The following GRIN2B variants were observed in gnomAD, a reference collection of about 807,000 sequenced individuals.
GRIN2B encodes glutamate receptor ionotropic, NMDA 2B.
A neutral mutation model predicts 114.5 loss-of-function variants in GRIN2B; 5 were observed. The observed-to-expected ratio is 0.04, with a 90% CI of 0.02 to 0.09. The LOEUF (loss-of-function observed/expected upper bound fraction) is 0.09, where lower values mean the gene tolerates loss of function less well. Ranked by LOEUF, GRIN2B falls within the 10% of genes least tolerant of loss-of-function variation. The pLI is 1.00. For synonymous variants in GRIN2B, 787 were observed against 745.1 expected (o/e 1.06, Z -0.92); for missense variants, 1,108 against 1,943.5 (o/e 0.57, Z 8.08).
At chr12:13,948,139 C>G (rs1488555154) in intron 2 of GRIN2B, among the ~76,000 whole-genome samples, 1 of 152,062 alleles carries the variant, frequency 6.6e-6, no homozygotes, top group Admixed American at 6.5e-5. Context: ...AAATATGATA[C>G]AAAATGTCAA....
At chr12:13,732,074 T>C (rs1007674759) in intron 4 of GRIN2B, among the ~76,000 whole-genome samples, 6 of 152,128 alleles carry the variant, frequency 3.9e-5, no homozygotes, top group African/African-American at 9.7e-5. Context: ...TGGTGCCTAG[T>C]TGAACTCATT....
intron 2 of GRIN2B, among the ~76,000 whole-genome samples, chr12:13,956,587 T>C (rs73303067): frequency 0.029 from 4,389 of 152,232 alleles, 76 homozygotes; most frequent in African/African-American, 0.044. Context: ...GTTCGTTCCG[T>C]ATGGACTCTG....
At chr12:13,918,973 A>T (rs192389310) in intron 2 of GRIN2B, among the ~76,000 whole-genome samples, 1 of 152,318 alleles carries the variant, frequency 6.6e-6, no homozygotes, top group Non-Finnish European at 1.5e-5. Flanking sequence ...CATGTATTTA[A>T]TACCTATCTT....
At position 13,580,986 on chromosome 12, in the gene GRIN2B, G is replaced by T. The variant is rs191293189; in HGVS notation, c.2011-9022C>A. On this transcript the variant is annotated intron_variant, in intron 10 of 13. Coordinates refer to ENST00000609686, the MANE Select transcript of GRIN2B (RefSeq NM_000834.5). ...CTTTGAGATTCATCTCCAGGCCTTT[G>T]CATGTATCTGTAGGTCATTCCTTCT... 7.1e-3 allele frequency among the ~76,000 whole-genome samples: 1,086 copies of T among 152,262 alleles called. 42 individuals are homozygous for T. Among genetic ancestry groups the T allele is most frequent in the Admixed American group, 0.065 (989 of 15,294 alleles).
At chr12:13,669,811 T>C (rs894989175) in intron 5 of GRIN2B, among the ~76,000 whole-genome samples, 1 of 152,028 alleles carries the variant, frequency 6.6e-6, no homozygotes, top group African/African-American at 2.4e-5. Context: ...TCAATAGAGG[T>C]AGTGATTGAC....
intron 4 of GRIN2B, among the ~76,000 whole-genome samples, chr12:13,726,810 C>T (rs1317828734): frequency 2.0e-5 from 3 of 151,884 alleles, no homozygotes; most frequent in Non-Finnish European, 2.9e-5. Context: ...TTTTATCCCT[C>T]ACCCGCCTCC....
chr12:13,958,330 C>G (rs372665815), intron 2 of GRIN2B, among the ~76,000 whole-genome samples: 5 of 152,312 alleles, frequency 3.3e-5, no homozygotes, highest in African/African-American at 1.2e-4. Context: ...TTCACAAGAA[C>G]TGAGTCCAAA....
At chr12:13,703,112 G>A (rs1266862469) in intron 4 of GRIN2B, among the ~76,000 whole-genome samples, 1 of 152,072 alleles carries the variant, frequency 6.6e-6, no homozygotes, top group Non-Finnish European at 1.5e-5. Context: ...ATGCTCCCAG[G>A]GATACTTGTT....
chr12:13,794,078 G>C (rs113911970), intron 3 of GRIN2B, among the ~76,000 whole-genome samples: 4 of 149,128 alleles, frequency 2.7e-5, no homozygotes, highest in South Asian at 2.1e-4. Flanking sequence ...AATTATCCAG[G>C]TGTCGTAACA....
chr12:13,788,457 A>C (rs1427639809), intron 3 of GRIN2B, among the ~76,000 whole-genome samples: 1 of 152,116 alleles, frequency 6.6e-6, no homozygotes, highest in African/African-American at 2.4e-5. Context: ...AATATATTCA[A>C]CTCTTACCAA....
chr12:13,919,960 C>A (rs951464731), intron 2 of GRIN2B, among the ~76,000 whole-genome samples: 1 of 152,148 alleles, frequency 6.6e-6, no homozygotes. Context: ...CAGAGGAATA[C>A]ACCACAAAGC....
At position 13,637,416 on chromosome 12, in the gene GRIN2B, T is replaced by C. The variant is rs1027833834; in HGVS notation, c.1126-20759A>G. On this transcript the variant is annotated intron_variant, in intron 5 of 13. Transcript: ENST00000609686. The stretch of plus-strand genomic sequence containing the variant: ...TGTTGAGTAGGTTAAAAAATGTAAG[T>C]ATAGAAAAGGACAGTGTGAAATTTA... Among the ~76,000 whole-genome samples the C allele has an allele frequency of 5.9e-5, 9 of 152,224 alleles. No homozygotes were observed. In the East Asian group the frequency reaches 1.4e-3, roughly 23 times the overall value.
rs188862075 is a variant in GRIN2B at position 13,609,463 on chromosome 12, T to C, written c.1781-631A>G. On this transcript the variant is annotated intron_variant, in intron 9 of 13. Transcript: ENST00000609686. ...ACACTTCCCAACTGGTTTCCTGTCA[T>C]AGAAGCTTGCGTGTAAAAGAATATC... Among the ~76,000 whole-genome samples the C allele has an allele frequency of 2.6e-5, 4 of 152,196 alleles. No homozygotes were observed. In the East Asian group the frequency reaches 5.8e-4, roughly 22 times the overall value.
intron 2 of GRIN2B, among the ~76,000 whole-genome samples, chr12:13,949,199 G>T (rs2136845398): frequency 6.6e-6 from 1 of 152,286 alleles, no homozygotes; most frequent in Non-Finnish European, 1.5e-5. Flanking sequence ...GAAATGAGGG[G>T]AGAAGGGAGA....
intron 10 of GRIN2B, among the ~76,000 whole-genome samples, chr12:13,600,157 C>A (rs1805479): frequency 0.34 from 51,152 of 151,980 alleles, 10,327 homozygotes; most frequent in East Asian, 0.81. Context: ...AAGGGTAATA[C>A]AGAGCAGATC....
intron 5 of GRIN2B, among the ~76,000 whole-genome samples, chr12:13,637,020 CAAGGT>C (rs1272362446): frequency 2.0e-5 from 3 of 151,920 alleles, no homozygotes; most frequent in Non-Finnish European, 4.4e-5. Context: ...TGTATTGGGA[CAAGGT>C]AAGTTTGAGA....
At chr12:13,858,255 T>C (rs1431236502) in intron 3 of GRIN2B, among the ~76,000 whole-genome samples, 2 of 152,228 alleles carry the variant, frequency 1.3e-5, no homozygotes, top group African/African-American at 2.4e-5. Flanking sequence ...ATGATCAGTG[T>C]CAGTCTTTCT....
rs561828886 is a variant in GRIN2B at position 13,935,069 on chromosome 12, G to T, written c.-19+44859C>A. 7.2e-4 allele frequency among the ~76,000 whole-genome samples: 109 copies of T among 152,254 alleles called. 1 individual carries two copies. The highest frequency in any genetic ancestry group is 3.4e-3 in the Middle Eastern group (1 of 294). ...TGAGAATAGATAGCCAGGAACTCCT[G>T]GGACTGTAAGATAGAGAGATAGAAG... On this transcript the variant is annotated intron_variant, in intron 2 of 13. Coordinates refer to ENST00000609686, the MANE Select transcript of GRIN2B (RefSeq NM_000834.5).
chr12:13,628,683 G>T (rs866187735), intron 5 of GRIN2B, among the ~76,000 whole-genome samples: 1 of 152,222 alleles, frequency 6.6e-6, no homozygotes, highest in Admixed American at 6.5e-5. Flanking sequence ...GCAGAGAGCT[G>T]CTTTTATCAC....
Sources: allele counts gnomAD v4.1 joint callset (sites outside exome capture counted in the v4.1 genomes callset), GRCh38; gene constraint gnomAD v4.1.1; transcripts MANE v1.5; gene names NCBI Gene and HGNC (gene_info 2026-07-23, HGNC 2026-07-21).